Variants in TENM2 observed in about 807,000 individuals in gnomAD.
TENM2 encodes teneurin transmembrane protein 2.
TENM2 carries 52 observed loss-of-function variants against 245.2 expected under a neutral mutation model. The ratio of observed to expected loss-of-function variants is 0.21; its 90% CI spans 0.17 to 0.27. The LOEUF (loss-of-function observed/expected upper bound fraction) is 0.27. TENM2 is among the 10% of genes least tolerant of loss of function. The pLI is 1.00. For synonymous variants in TENM2, 1,363 were observed against 1,438.9 expected (o/e 0.95, Z 1.19); for missense variants, 3,046 against 3,666.8 (o/e 0.83, Z 4.37).
the TENM2 span, among the ~76,000 whole-genome samples, chr5:167,177,924 G>A: frequency 6.6e-6 from 1 of 152,164 alleles, no homozygotes; most frequent in Non-Finnish European, 1.5e-5. Flanking sequence ...AACACGCAAA[G>A]CCTCAAAGTC....
chr5:167,579,205 A>T (rs754745223), intron 2 of TENM2, among the ~76,000 whole-genome samples: 20 of 152,206 alleles, frequency 1.3e-4, no homozygotes, highest in Non-Finnish European at 2.1e-4. Context: ...TTACAATGGA[A>T]GGAAAAAAAT....
At chr5:168,087,865 C>A (rs1792596044) in intron 7 of TENM2, among the ~76,000 whole-genome samples, 1 of 152,122 alleles carries the variant, frequency 6.6e-6, no homozygotes, top group South Asian at 2.1e-4. Context: ...ACATCAGACA[C>A]CATATCATAT....
the TENM2 span, among the ~76,000 whole-genome samples, chr5:167,122,295 G>A: frequency 4.6e-5 from 7 of 152,150 alleles, no homozygotes; most frequent in African/African-American, 1.4e-4. Flanking sequence ...ACAATACACC[G>A]AGCCTATTGA....
At chr5:167,070,970 G>A in the TENM2 span, among the ~76,000 whole-genome samples, 1 of 151,696 alleles carries the variant, frequency 6.6e-6, no homozygotes, top group Non-Finnish European at 1.5e-5. Flanking sequence ...CTTATCTTTC[G>A]ACTAAATTGG....
the TENM2 span, among the ~76,000 whole-genome samples, chr5:167,053,837 C>T: frequency 6.6e-5 from 10 of 152,096 alleles, no homozygotes; most frequent in Non-Finnish European, 1.5e-4. Flanking sequence ...ATAGGTATTT[C>T]CAGGTATAGC....
chr5:168,098,003 C>T (rs763750598), intron 8 of TENM2, 23 bp from the exon 11 acceptor site: 2 of 1,567,848 alleles, frequency 1.3e-6, no homozygotes, highest in African/African-American at 2.7e-5. Context: ...AAAAGGTAAA[C>T]ACTACATTTA....
chr5:167,887,697 T>A (rs1360880662), intron 3 of TENM2, among the ~76,000 whole-genome samples: 1 of 152,214 alleles, frequency 6.6e-6, no homozygotes, highest in Non-Finnish European at 1.5e-5. Context: ...GATAAATGTT[T>A]TGTAGGGTAC....
intron 1 of TENM2, among the ~76,000 whole-genome samples, chr5:167,332,391 C>T (rs182491510): frequency 2.6e-5 from 4 of 152,238 alleles, no homozygotes; most frequent in East Asian, 3.9e-4. Context: ...CTGTGCCTCA[C>T]GTGCCTCTGA....
intron 2 of TENM2, among the ~76,000 whole-genome samples, chr5:167,466,861 T>C (rs1042591811): frequency 6.6e-6 from 1 of 152,178 alleles, no homozygotes; most frequent in Admixed American, 6.5e-5. Context: ...ACTAATACTG[T>C]GTATAAGGAG....
chr5:167,515,680 T>TACACATATATACGTA (rs1283561249), intron 2 of TENM2, among the ~76,000 whole-genome samples: 9 of 55,826 alleles, frequency 1.6e-4, no homozygotes, highest in Admixed American at 4.9e-4. Flanking sequence ...TGTATATATA[T>TACACATATATACGTA]TTTGAGAGGG....
At chr5:167,515,561 A>T (rs1007085427) in intron 2 of TENM2, among the ~76,000 whole-genome samples, 21 of 148,424 alleles carry the variant, frequency 1.4e-4, no homozygotes, top group Admixed American at 4.7e-4. Context: ...CGAAGAGCTT[A>T]ATGTCAATTG....
chr5:167,900,130 AAAAGG>A (rs1775573861), intron 3 of TENM2, among the ~76,000 whole-genome samples: 1 of 118,200 alleles, frequency 8.5e-6, no homozygotes, highest in African/African-American at 3.4e-5. Flanking sequence ...AAAAAAAAAA[AAAAGG>A]GGGGGGGGGT....
At chr5:167,623,494 T>A (rs1778306623) in intron 2 of TENM2, among the ~76,000 whole-genome samples, 2 of 152,210 alleles carry the variant, frequency 1.3e-5, no homozygotes, top group Middle Eastern at 3.2e-3. Flanking sequence ...AATCTTGCTG[T>A]CTGAATGCTA....
At chr5:168,115,204 A>G (rs1794958170) in intron 9 of TENM2, among the ~76,000 whole-genome samples, 1 of 151,880 alleles carries the variant, frequency 6.6e-6, no homozygotes, top group Non-Finnish European at 1.5e-5. Flanking sequence ...GAGGCAGGAG[A>G]ATCGCTTGAA....
intron 2 of TENM2, among the ~76,000 whole-genome samples, chr5:167,593,379 A>T (rs928801741): frequency 3.3e-5 from 5 of 152,222 alleles, no homozygotes; most frequent in Non-Finnish European, 7.3e-5. Context: ...CCTCTTTTGT[A>T]GACCTTCTTC....
intron 2 of TENM2, among the ~76,000 whole-genome samples, chr5:167,796,648 G>T (rs1047379474): frequency 2.6e-5 from 4 of 152,008 alleles, no homozygotes; most frequent in African/African-American, 9.7e-5. Flanking sequence ...GTGCAGAATT[G>T]TTTGATTAAT....
the TENM2 span, among the ~76,000 whole-genome samples, chr5:167,069,436 C>T: frequency 3.3e-4 from 51 of 152,268 alleles, no homozygotes; most frequent in South Asian, 6.2e-4. Flanking sequence ...TTAAATTGCT[C>T]ATCTGATATT....
intron 23 of TENM2, 78 bp downstream of exon 25, chr5:168,219,077 C>G: frequency 7.1e-7 from 1 of 1,406,940 alleles, no homozygotes; most frequent in Non-Finnish European, 9.7e-7. Flanking sequence ...GCTTGTGTAG[C>G]TTTTTAAATT....
intron 3 of TENM2, among the ~76,000 whole-genome samples, chr5:167,897,932 C>A: frequency 7.7e-6 from 1 of 129,164 alleles, no homozygotes; most frequent in Admixed American, 9.2e-5. Context: ...GCACCGGGTA[C>A]TACCTTAAAC....
Sources: gnomAD v4.1 joint callset for allele counts (sites outside exome capture counted in the v4.1 genomes callset) on GRCh38, gnomAD v4.1.1 for gene constraint, MANE v1.5 for transcripts, NCBI Gene and HGNC (gene_info 2026-07-23, HGNC 2026-07-21) for gene names.